ADRB1: variants seen among roughly 807,000 people sequenced by gnomAD.
The protein encoded by ADRB1 is adrenoceptor beta 1.
For missense variants in ADRB1, 635 were observed against 709.1 expected, an observed-to-expected ratio of 0.90 and a Z score of 1.19; for synonymous variants, 365 against 347.2, an observed-to-expected ratio of 1.05 and a Z score of -0.57.
At position 114,044,051 on chromosome 10, in the gene ADRB1, C is replaced by G; in HGVS notation, c.-82C>G. 8.8e-7 allele frequency: 1 copy of G among 1,141,848 alleles called. No individual in the cohort carries two copies. The highest frequency in any genetic ancestry group is 1.1e-6 in the Non-Finnish European group (1 of 917,098). 70.7% of individuals were successfully genotyped at this position (1,141,848 alleles called of 1,614,324 possible). ...CCGGCCGCGACCTCCCTCTGCGCAC[C>G]ACGCCGCCCGGGCTTCTGGGGTGTT... On this transcript the variant is annotated 5_prime_UTR_variant, in exon 1 of 1. Coordinates refer to ENST00000369295, the MANE Select transcript of ADRB1 (RefSeq NM_000684.3). The surrounding 1 kb of genome is among the most constrained non-coding windows in gnomAD (Gnocchi z 7.8).
chr10:114,045,524 C>A lies in ADRB1; in HGVS notation c.1392C>A (p.Asp464Glu). The A allele has an allele frequency of 7.6e-7, 1 of 1,307,486 alleles. No individual in the cohort carries two copies. Among genetic ancestry groups the A allele is most frequent in the Non-Finnish European group, 9.8e-7 (1 of 1,024,938 alleles). 81.0% of individuals were successfully genotyped at this position (1,307,486 alleles called of 1,614,324 possible). A position where few individuals can be genotyped will look rare whatever the true frequency, so the allele number is the denominator to read the frequency against. ...GAAADSDSSL[D>E]EPCRPGFASE... ...CGGCGGACAGCGACTCGAGCCTGGA[C>A]GAGCCGTGCCGCCCCGGCTTCGCCT... is the stretch of plus-strand genomic sequence containing the variant. Residue 464 changes from aspartate (D) to glutamate (E), a missense_variant, in exon 1 of 1, where the codon GAC becomes GAA. By Grantham distance (45) the Asp-to-Glu change is conservative (BLOSUM62 2). Transcript: ENST00000369295.
chr10:114,044,944 G>GGCCGCC lies in ADRB1; in HGVS notation c.813_818dup (p.Pro272_Pro273dup). On this transcript the variant is annotated inframe_insertion, in exon 1 of 1. Transcript: ENST00000369295. This position sits in a 1 kb window ranked among gnomAD's most constrained non-coding sequence, Gnocchi z 7.8. The stretch of plus-strand genomic sequence containing the variant: ...CGCCGTTTCCTCGGCGGCCCAGCGC[G>GGCCGCC]GCCGCCCTCGCCCTCGCCCTCGCCC... 1 of 1,518,816 alleles carries GGCCGCC rather than the reference G, an allele frequency of 6.6e-7. No homozygotes were observed. The highest frequency in any genetic ancestry group is 8.8e-7 in the Non-Finnish European group (1 of 1,134,150). 94.1% of individuals were successfully genotyped at this position (1,518,816 alleles called of 1,614,324 possible). A position where few individuals can be genotyped will look rare whatever the true frequency, so the allele number is the denominator to read the frequency against.
Position 114,044,486 on chromosome 10 carries a change from C to G in ADRB1, c.354C>G (p.Ile118Met). The part of the protein sequence containing the change: ...GLLVVPFGAT[I>M]VVWGRWEYGS... ...TGGTGGTGCCGTTCGGGGCCACCAT[C>G]GTGGTGTGGGGCCGCTGGGAGTACG... Residue 118 changes from isoleucine to methionine, a missense_variant, in exon 1 of 1, where the codon ATC becomes ATG. By Grantham distance (10) the Ile-to-Met change is conservative. Transcript: ENST00000369295. This position sits in a 1 kb window ranked among gnomAD's most constrained non-coding sequence, Gnocchi z 7.8. The G allele has an allele frequency of 1.9e-6, 3 of 1,613,620 alleles. No homozygotes were observed. Among genetic ancestry groups the G allele is most frequent in the Non-Finnish European group, 2.5e-6 (3 of 1,179,962 alleles).
In ADRB1 at chr10:114,045,165, G is replaced by A. The variant is rs542441944; in HGVS notation, c.1033G>A (p.Val345Met). 4 of 1,599,250 alleles carry A rather than the reference G, an allele frequency of 2.5e-6. No homozygotes were observed. Among genetic ancestry groups the A allele is most frequent in the African/African-American group, 1.3e-5 (1 of 74,306 alleles). The change falls in exon 1 of 1, where the codon GTG becomes ATG. Residue 345 changes from valine (V) to methionine (M), a missense_variant. Physicochemically the swap from Val to Met is conservative, Grantham distance 21. Coordinates refer to ENST00000369295, the MANE Select transcript of ADRB1 (RefSeq NM_000684.3). ...LCWLPFFLAN[V>M]VKAFHRELVP... Reference sequence around the variant, plus strand: ...CTGGCTGCCCTTCTTCCTGGCCAACGTGGTGAAGGCCTTCCACCGCGAGCT... The same window carrying A: ...CTGGCTGCCCTTCTTCCTGGCCAACATGGTGAAGGCCTTCCACCGCGAGCT...
Position 114,044,209 on chromosome 10 carries a change from C to G in ADRB1, c.77C>G (p.Ala26Gly). 3.6e-6 allele frequency: 5 copies of G among 1,395,728 alleles called. No individual in the cohort carries two copies. Among genetic ancestry groups the G allele is most frequent in the South Asian group, 1.6e-5 (1 of 61,186 alleles). The allele number at this position is 1,395,728 out of a possible 1,614,324, so 86.5% of individuals were successfully genotyped here. Residue 26 changes from alanine to glycine, a missense_variant, in exon 1 of 1, where the codon GCG (alanine) becomes GGG (glycine). Ala to Gly is a moderately conservative substitution (Grantham distance 60). Transcript: ENST00000369295. The surrounding 1 kb of genome is among the most constrained non-coding windows in gnomAD (Gnocchi z 7.8). ...TCGGCCGCACCGCTCCCCGACGGCG[C>G]GGCCACCGCGGCGCGGCTGCTGGTG... ...LSSAAPLPDG[A>G]ATAARLLVPA...
In ADRB1 at chr10:114,044,025, C is replaced by T; in HGVS notation, c.-108C>T. ...CGGCCCCGCGCCGCGGCTGCCCTGA[C>T]CCGGCCGCGACCTCCCTCTGCGCAC... On this transcript the variant is annotated 5_prime_UTR_variant, in exon 1 of 1. Coordinates refer to ENST00000369295, the MANE Select transcript of ADRB1 (RefSeq NM_000684.3). This position sits in a 1 kb window ranked among gnomAD's most constrained non-coding sequence, Gnocchi z 7.8. 2 of 960,774 alleles carry T rather than the reference C, an allele frequency of 2.1e-6. No individual in the cohort carries two copies. The highest frequency in any genetic ancestry group is 1.3e-6 in the Non-Finnish European group (1 of 756,326). 59.5% of individuals were successfully genotyped at this position (960,774 alleles called of 1,614,324 possible). A position where few individuals can be genotyped will look rare whatever the true frequency, so the allele number is the denominator to read the frequency against.
At position 114,044,778 on chromosome 10, in the gene ADRB1, T is replaced by TGC; in HGVS notation, c.648_649dup (p.Asp217AlafsTer15). On this transcript the variant is annotated frameshift_variant, in exon 1 of 1. Coordinates refer to ENST00000369295, the MANE Select transcript of ADRB1 (RefSeq NM_000684.3). LOFTEE classifies it low-confidence loss of function (END_TRUNC). This position sits in a 1 kb window ranked among gnomAD's most constrained non-coding sequence, Gnocchi z 7.8. Reference sequence around the variant, plus strand: ...CCGCTGCTACAACGACCCCAAGTGCTGCGACTTCGTCACCAACCGGGCCTA... The same window carrying TGC: ...CCGCTGCTACAACGACCCCAAGTGCTGCGCGACTTCGTCACCAACCGGGCCTA... 1 of 1,613,544 alleles carries TGC rather than the reference T, an allele frequency of 6.2e-7. No homozygotes were observed. Among genetic ancestry groups the TGC allele is most frequent in the East Asian group, 2.2e-5 (1 of 44,872 alleles).
Position 114,045,487 on chromosome 10 carries a change from A to G in ADRB1, c.1355A>G (p.Asn452Ser). 1 of 1,285,458 alleles carries G rather than the reference A, an allele frequency of 7.8e-7. No homozygotes were observed. The highest frequency in any genetic ancestry group is 9.8e-7 in the Non-Finnish European group (1 of 1,015,392). The allele number at this position is 1,285,458 out of a possible 1,614,324, so 79.6% of individuals were successfully genotyped here. Reference protein sequence around the residue: ...ARLLEPWAGCNGGAAADSDSS... With the variant: ...ARLLEPWAGCSGGAAADSDSS... ...CTGCTGGAGCCCTGGGCCGGCTGCAACGGCGGGGCGGCGGCGGACAGCGAC... is the reference window on the plus strand; with the variant it reads ...CTGCTGGAGCCCTGGGCCGGCTGCAGCGGCGGGGCGGCGGCGGACAGCGAC... Residue 452 changes from asparagine to serine, a missense_variant, in exon 1 of 1, where the codon AAC becomes AGC. Physicochemically the swap from Asn to Ser is conservative, Grantham distance 46. Transcript: ENST00000369295.
Position 114,044,966 on chromosome 10 carries a change from G to A in ADRB1, c.834G>A (p.Ser278=), listed in dbSNP as rs1377971823. ...CGCGGCCGCCCTCGCCCTCGCCCTCGCCCGTCCCCGCGCCCGCGCCGCCGC... is the reference window on the plus strand; with the variant it reads ...CGCGGCCGCCCTCGCCCTCGCCCTCACCCGTCCCCGCGCCCGCGCCGCCGC... ...GPARPPSPSP[S]PVPAPAPPPG... The change falls in exon 1 of 1, where the codon TCG becomes TCA. Residue 278 remains serine, a synonymous_variant. Transcript: ENST00000369295. The surrounding 1 kb of genome is among the most constrained non-coding windows in gnomAD (Gnocchi z 7.8). The A allele has an allele frequency of 8.2e-7, 1 of 1,214,328 alleles. No individual in the cohort carries two copies. The highest frequency in any genetic ancestry group is 1.0e-6 in the Non-Finnish European group (1 of 969,586). The allele number at this position is 1,214,328 out of a possible 1,614,324, so 75.2% of individuals were successfully genotyped here. A position where few individuals can be genotyped will look rare whatever the true frequency, so the allele number is the denominator to read the frequency against.
At position 114,044,652 on chromosome 10, in the gene ADRB1, C is replaced by A. The variant is rs1260803285; in HGVS notation, c.520C>A (p.Arg174=). The change falls in exon 1 of 1, where the codon CGG becomes AGG. Residue 174 remains arginine (R), a synonymous_variant. Transcript: ENST00000369295. This position sits in a 1 kb window ranked among gnomAD's most constrained non-coding sequence, Gnocchi z 7.8. ...CTACCAGAGCCTGCTGACGCGCGCG[C>A]GGGCGCGGGGCCTCGTGTGCACCGT... ...FRYQSLLTRA[R]ARGLVCTVWA... The A allele has an allele frequency of 1.9e-6, 3 of 1,612,774 alleles. No homozygotes were observed. In the South Asian group the frequency reaches 3.3e-5, roughly 18 times the overall value.
rs1847550311 is a variant in ADRB1, at chr10:114,045,519, C to T, written c.1387C>T (p.Leu463=). The T allele has an allele frequency of 6.1e-6, 8 of 1,306,332 alleles. No individual in the cohort carries two copies. The highest frequency in any genetic ancestry group is 6.8e-6 in the Non-Finnish European group (7 of 1,024,756). The allele number at this position is 1,306,332 out of a possible 1,614,324, so 80.9% of individuals were successfully genotyped here. Reference sequence around the variant, plus strand: ...GGCGGCGGCGGACAGCGACTCGAGCCTGGACGAGCCGTGCCGCCCCGGCTT... The same window carrying T: ...GGCGGCGGCGGACAGCGACTCGAGCTTGGACGAGCCGTGCCGCCCCGGCTT... ...GGAAADSDSS[L]DEPCRPGFAS... The change falls in exon 1 of 1, where the codon CTG becomes TTG. Residue 463 remains leucine (L), a synonymous_variant. Transcript: ENST00000369295.
rs974377824 is a variant in ADRB1, at chr10:114,045,873, T to G, written c.*307T>G. On this transcript the variant is annotated 3_prime_UTR_variant, in exon 1 of 1. Transcript: ENST00000369295. ...TGTGTGCGTGTGATGCATCTTTAGA[T>G]TTTTTTCCCCCACCAGGTGGTTTTT... 1 of 213,770 alleles carries G rather than the reference T, an allele frequency of 4.7e-6. No individual in the cohort carries two copies. The allele number at this position is 213,770 out of a possible 1,614,324, so 13.2% of individuals were successfully genotyped here.
chr10:114,044,972 C>T lies in ADRB1; in HGVS notation c.840C>T (p.Val280=). 5.1e-6 allele frequency: 6 copies of T among 1,179,666 alleles called. No individual in the cohort carries two copies. The South Asian group carries it at 2.0e-4, about 39-fold the overall frequency. 73.1% of individuals were successfully genotyped at this position (1,179,666 alleles called of 1,614,324 possible). A position where few individuals can be genotyped will look rare whatever the true frequency, so the allele number is the denominator to read the frequency against. ...CGCCCTCGCCCTCGCCCTCGCCCGT[C>T]CCCGCGCCCGCGCCGCCGCCCGGAC... ...ARPPSPSPSP[V]PAPAPPPGPP... is the part of the protein sequence containing the mutation. The change falls in exon 1 of 1, where the codon GTC becomes GTT. Residue 280 remains valine (V), a synonymous_variant. Transcript: ENST00000369295. This position sits in a 1 kb window ranked among gnomAD's most constrained non-coding sequence, Gnocchi z 7.8.
In ADRB1 at chr10:114,044,227, T is replaced by G; in HGVS notation, c.95T>G (p.Leu32Arg). The change falls in exon 1 of 1, where the codon CTG becomes CGG. Residue 32 changes from leucine to arginine, a missense_variant. Transcript: ENST00000369295. The surrounding 1 kb of genome is among the most constrained non-coding windows in gnomAD (Gnocchi z 7.8). ...GACGGCGCGGCCACCGCGGCGCGGC[T>G]GCTGGTGCCCGCGTCGCCGCCCGCC... ...LPDGAATAAR[L>R]LVPASPPASL... is the part of the protein sequence containing the mutation. The G allele has an allele frequency of 7.0e-7, 1 of 1,433,780 alleles. No individual in the cohort carries two copies. Among genetic ancestry groups the G allele is most frequent in the Non-Finnish European group, 9.0e-7 (1 of 1,105,386 alleles). 88.8% of individuals were successfully genotyped at this position (1,433,780 alleles called of 1,614,324 possible).
chr10:114,045,334 G>C lies in ADRB1; in HGVS notation c.1202G>C (p.Arg401Pro), dbSNP rs778196054. The C allele has an allele frequency of 3.9e-6, 6 of 1,520,402 alleles. No homozygotes were observed. In the Admixed American group the frequency reaches 1.2e-4, roughly 29 times the overall value. The allele number at this position is 1,520,402 out of a possible 1,614,324, so 94.2% of individuals were successfully genotyped here. Residue 401 changes from arginine to proline, a missense_variant, in exon 1 of 1, where the codon CGC becomes CCC. Physicochemically the swap from Arg to Pro is moderately radical, Grantham distance 103. Transcript: ENST00000369295. ...LCCARRAARR[R>P]HATHGDRPRA... ...TGCGCGCGCAGGGCTGCCCGCCGGC[G>C]CCACGCGACCCACGGAGACCGGCCG...
rs750500075 is a variant in ADRB1, at chr10:114,044,966, G to GCCCTCA, written c.837_838insTCACCC (p.Ser278_Pro279dup). On this transcript the variant is annotated inframe_insertion, in exon 1 of 1. Transcript: ENST00000369295. This position sits in a 1 kb window ranked among gnomAD's most constrained non-coding sequence, Gnocchi z 7.8. ...CGCGGCCGCCCTCGCCCTCGCCCTCGCCCGTCCCCGCGCCCGCGCCGCCGC... is the reference window on the plus strand; with the variant it reads ...CGCGGCCGCCCTCGCCCTCGCCCTCGCCCTCACCCGTCCCCGCGCCCGCGCCGCCGC... 2.0e-4 allele frequency: 241 copies of GCCCTCA among 1,214,328 alleles called. 2 individuals carry two copies. The East Asian group carries it at 7.3e-3, about 37-fold the overall frequency. 75.2% of individuals were successfully genotyped at this position (1,214,328 alleles called of 1,614,324 possible). A position where few individuals can be genotyped will look rare whatever the true frequency, so the allele number is the denominator to read the frequency against.
chr10:114,043,947 C>T lies in ADRB1; in HGVS notation c.-186C>T. 9.7e-6 allele frequency: 3 copies of T among 310,756 alleles called. No homozygotes were observed. The highest frequency in any genetic ancestry group is 1.6e-5 in the Non-Finnish European group (3 of 190,636). 19.2% of individuals were successfully genotyped at this position (310,756 alleles called of 1,614,324 possible). Reference sequence around the variant, plus strand: ...GCGGCGGCGGCGGCGGCGGCGGCAGCGGCAGCGACAGCGCTCGGCTCCTGC... The same window carrying T: ...GCGGCGGCGGCGGCGGCGGCGGCAGTGGCAGCGACAGCGCTCGGCTCCTGC... On this transcript the variant is annotated 5_prime_UTR_variant, in exon 1 of 1. Coordinates refer to ENST00000369295, the MANE Select transcript of ADRB1 (RefSeq NM_000684.3).
At position 114,044,414 on chromosome 10, in the gene ADRB1, C is replaced by T; in HGVS notation, c.282C>T (p.Asn94=). 6.2e-7 allele frequency: 1 copy of T among 1,612,074 alleles called. No homozygotes were observed. Among genetic ancestry groups the T allele is most frequent in the Non-Finnish European group, 8.5e-7 (1 of 1,179,952 alleles). Residue 94 remains asparagine, a synonymous_variant, in exon 1 of 1, where the codon AAC becomes AAT. Coordinates refer to ENST00000369295, the MANE Select transcript of ADRB1 (RefSeq NM_000684.3). The surrounding 1 kb of genome is among the most constrained non-coding windows in gnomAD (Gnocchi z 7.8). The stretch of plus-strand genomic sequence containing the variant: ...CGCCGCGGCTGCAGACGCTCACCAA[C>T]CTCTTCATCATGTCCCTGGCCAGCG... ...AKTPRLQTLT[N]LFIMSLASAD... is the part of the protein sequence containing the mutation.
Position 114,045,645 on chromosome 10 carries a change from A to G in ADRB1, c.*79A>G, listed in dbSNP as rs576302800. The stretch of plus-strand genomic sequence containing the variant: ...TCTGTGTTTACTTAAGACCGATAGC[A>G]GGTGAACTCGAAGCCCACAATCCTC... On this transcript the variant is annotated 3_prime_UTR_variant, in exon 1 of 1. Coordinates refer to ENST00000369295, the MANE Select transcript of ADRB1 (RefSeq NM_000684.3). 3 of 1,194,982 alleles carry G rather than the reference A, an allele frequency of 2.5e-6. No homozygotes were observed. The highest frequency in any genetic ancestry group is 3.2e-6 in the Non-Finnish European group (3 of 942,092). The allele number at this position is 1,194,982 out of a possible 1,614,324, so 74.0% of individuals were successfully genotyped here. A position where few individuals can be genotyped will look rare whatever the true frequency, so the allele number is the denominator to read the frequency against.
Sources: gnomAD v4.1 joint callset for allele counts on GRCh38, gnomAD v4.1.1 for gene constraint, Gnocchi (gnomAD v3.1) non-coding constraint, MANE v1.5 for transcripts, NCBI Gene and HGNC (gene_info 2026-07-23, HGNC 2026-07-21) for gene names.